The following B3GALT1 variants were observed in gnomAD, a reference collection of about 807,000 sequenced individuals.
B3GALT1 encodes beta-1,3-galactosyltransferase 1, also known as UDP-Gal:betaGlcNAc beta 1,3-galactosyltransferase, polypeptide 1.
B3GALT1 carries 10 observed loss-of-function variants against 23.2 expected under a neutral mutation model. The observed-to-expected ratio is 0.43, with a 90% CI of 0.27 to 0.73. B3GALT1 has a LOEUF of 0.73. Among genes scored for constraint, B3GALT1 ranks in the 30% least tolerant of loss-of-function variants. The pLI is 0.21. For synonymous variants in B3GALT1, 156 were observed against 141.5 expected (o/e 1.10, Z -0.73); for missense variants, 299 against 405.4 (o/e 0.74, Z 2.25).
intron 1 of B3GALT1, among the ~76,000 whole-genome samples, chr2:167,478,331 AAAG>A (rs1198178411): frequency 6.6e-6 from 1 of 152,200 alleles, no homozygotes; most frequent in East Asian, 1.9e-4. Context: ...TAATAAGAGG[AAAG>A]AAGAGAGCAT....
At chr2:167,689,394 C>A (rs944480638) in intron 3 of B3GALT1, among the ~76,000 whole-genome samples, 3 of 151,872 alleles carry the variant, frequency 2.0e-5, no homozygotes, top group African/African-American at 4.8e-5. Flanking sequence ...AACAGACATA[C>A]CTGAAAAGAA....
intron 4 of B3GALT1, among the ~76,000 whole-genome samples, chr2:167,847,970 A>G (rs560939620): frequency 6.6e-6 from 1 of 152,308 alleles, no homozygotes; most frequent in African/African-American, 2.4e-5. Flanking sequence ...ACCTTTGCAT[A>G]CATGAACTAG....
chr2:167,454,033 T>C (rs991630661), intron 1 of B3GALT1, among the ~76,000 whole-genome samples: 2 of 152,252 alleles, frequency 1.3e-5, no homozygotes, highest in African/African-American at 4.8e-5. Flanking sequence ...TTTAAAGCTC[T>C]CTGATTTTTG....
At chr2:167,737,235 T>G (rs1403353079) in intron 3 of B3GALT1, among the ~76,000 whole-genome samples, 3 of 152,148 alleles carry the variant, frequency 2.0e-5, no homozygotes, top group Non-Finnish European at 2.9e-5. Flanking sequence ...TTTTGTGAAG[T>G]GGGTACTTTT....
At chr2:167,759,710 C>T (rs1041206526) in intron 3 of B3GALT1, among the ~76,000 whole-genome samples, 1 of 152,112 alleles carries the variant, frequency 6.6e-6, no homozygotes, top group Non-Finnish European at 1.5e-5. Context: ...TGCAGCTTCT[C>T]TCCCCATCCT....
intron 1 of B3GALT1, among the ~76,000 whole-genome samples, chr2:167,480,189 A>C (rs1699542709): frequency 6.6e-6 from 1 of 152,186 alleles, no homozygotes; most frequent in Admixed American, 6.5e-5. Context: ...ACATTTTAGC[A>C]GACTTCATGC....
intron 2 of B3GALT1, among the ~76,000 whole-genome samples, chr2:167,643,547 C>T (rs542620227): frequency 2.0e-5 from 3 of 152,142 alleles, no homozygotes; most frequent in African/African-American, 7.2e-5. Flanking sequence ...GGATGCTGAC[C>T]CAGACCACTG....
intron 1 of B3GALT1, among the ~76,000 whole-genome samples, chr2:167,346,749 G>T (rs368135968): frequency 1.1e-5 from 1 of 88,840 alleles, no homozygotes; most frequent in Non-Finnish European, 2.7e-5. Context: ...TGTGTGTGGG[G>T]GGGGGGTGGT....
intron 1 of B3GALT1, among the ~76,000 whole-genome samples, chr2:167,368,142 A>T (rs921431762): frequency 5.3e-5 from 8 of 152,178 alleles, no homozygotes; most frequent in Admixed American, 2.6e-4. Context: ...AGACCAGAAA[A>T]TGTGAAAATT....
intron 2 of B3GALT1, among the ~76,000 whole-genome samples, chr2:167,511,483 GCCT>G (rs1327612538): frequency 6.6e-6 from 1 of 152,094 alleles, no homozygotes; most frequent in Non-Finnish European, 1.5e-5. Context: ...GTTTCCTGAG[GCCT>G]CCTGAGCCCT....
chr2:167,703,846 C>A (rs1184520903), intron 3 of B3GALT1, among the ~76,000 whole-genome samples: 4 of 152,134 alleles, frequency 2.6e-5, no homozygotes, highest in Admixed American at 6.5e-5. Context: ...TACTGACTGA[C>A]CCCTCAAAAG....
chr2:167,743,420 C>A (rs1687605396), intron 3 of B3GALT1, among the ~76,000 whole-genome samples: 1 of 151,992 alleles, frequency 6.6e-6, no homozygotes, highest in Non-Finnish European at 1.5e-5. Context: ...AATAAGAAAA[C>A]AATAGAATAT....
chr2:167,712,558 T>G (rs1461024334), intron 3 of B3GALT1, among the ~76,000 whole-genome samples: 1 of 151,986 alleles, frequency 6.6e-6, no homozygotes, highest in Non-Finnish European at 1.5e-5. Flanking sequence ...AGTAATGATT[T>G]TTTAAAGTTT....
At chr2:167,303,487 G>T (rs967709716) in intron 1 of B3GALT1, among the ~76,000 whole-genome samples, 1 of 152,214 alleles carries the variant, frequency 6.6e-6, no homozygotes, top group African/African-American at 2.4e-5. Flanking sequence ...CTCTGGAAGA[G>T]ATTAGCATTT....
chr2:167,817,304 A>G (rs1689014312), intron 3 of B3GALT1, among the ~76,000 whole-genome samples: 1 of 152,248 alleles, frequency 6.6e-6, no homozygotes, highest in African/African-American at 2.4e-5. Flanking sequence ...ACGTATAAGT[A>G]ACTTGGTGTA....
At chr2:167,606,799 G>A (rs1347312494) in intron 2 of B3GALT1, among the ~76,000 whole-genome samples, 1 of 152,142 alleles carries the variant, frequency 6.6e-6, no homozygotes, top group East Asian at 1.9e-4. Context: ...GTTATGGGAT[G>A]GGTAGACTTC....
At chr2:167,651,601 A>G (rs907286767) in intron 3 of B3GALT1, among the ~76,000 whole-genome samples, 3 of 152,162 alleles carry the variant, frequency 2.0e-5, no homozygotes, top group Admixed American at 6.6e-5. Context: ...TTGAACACCT[A>G]CTATGTGCCA....
At position 167,325,702 on chromosome 2, in the gene B3GALT1, C is replaced by CTTTTTTT. The variant is rs61066636; in HGVS notation, c.-511+32387_-511+32393dup. The stretch of plus-strand genomic sequence containing the variant: ...TTTTGAGAAATCTCCACCCTGTTTT[C>CTTTTTTT]TTTTTTTTTTTTTTTTTTTTTTTTT... On this transcript the variant is annotated intron_variant, in intron 1 of 4. Transcript: ENST00000392690. 8.4e-3 allele frequency among the ~76,000 whole-genome samples: 929 copies of CTTTTTTT among 110,458 alleles called. 1 individual carries two copies. The highest frequency in any genetic ancestry group is 0.017 in the African/African-American group (506 of 30,172). 72.5% of individuals were successfully genotyped at this position (110,458 alleles called of 152,430 possible).
chr2:167,300,722 A>G (rs1696431039), intron 1 of B3GALT1, among the ~76,000 whole-genome samples: 1 of 152,194 alleles, frequency 6.6e-6, no homozygotes, highest in Non-Finnish European at 1.5e-5. Context: ...ATTTGTGAAA[A>G]ATGTAAACTC....
Sources: allele counts gnomAD v4.1 joint callset (sites outside exome capture counted in the v4.1 genomes callset), GRCh38; gene constraint gnomAD v4.1.1; transcripts MANE v1.5; gene names NCBI Gene and HGNC (gene_info 2026-07-23, HGNC 2026-07-21).